ATP1B2: variants seen among roughly 807,000 people sequenced by gnomAD.
The protein encoded by ATP1B2 is ATPase Na+/K+ transporting subunit beta 2.
ATP1B2 carries 12 observed loss-of-function variants against 37.3 expected under a neutral mutation model. The ratio of observed to expected loss-of-function variants is 0.32; its 90% CI spans 0.21 to 0.52. The LOEUF (loss-of-function observed/expected upper bound fraction) is 0.52. Among genes scored for constraint, ATP1B2 ranks in the 20% least tolerant of loss-of-function variants. The pLI is 0.96. For missense variants in ATP1B2, 324 were observed against 391.6 expected, an observed-to-expected ratio of 0.83 and a Z score of 1.46; for synonymous variants, 139 against 140.5, an observed-to-expected ratio of 0.99 and a Z score of 0.07.
chr17:7,653,706 A>G, intron 2 of ATP1B2, 135 bp from the exon 3 acceptor site: 3 of 1,233,914 alleles, frequency 2.4e-6, no homozygotes, highest in Admixed American at 4.1e-5. Flanking sequence ...GCCACAGGAG[A>G]TCACCCTCCC....
chr17:7,654,774 T>C lies in ATP1B2; in HGVS notation c.609+90T>C. ...TCTGTGTAATTCACCTGTCTCTCCC[T>C]ATCTTCTTTGCTCCTAGAGGCCCCA... is the stretch of plus-strand genomic sequence containing the variant. On this transcript the variant is annotated intron_variant, in intron 5 of 6. Transcript: ENST00000250111. The surrounding 1 kb of genome is among the most constrained non-coding windows in gnomAD (Gnocchi z 4.9). 2.0e-6 allele frequency: 3 copies of C among 1,467,030 alleles called. No individual in the cohort carries two copies. Among genetic ancestry groups the C allele is most frequent in the Non-Finnish European group, 2.9e-6 (3 of 1,048,306 alleles). The allele number at this position is 1,467,030 out of a possible 1,614,324, so 90.9% of individuals were successfully genotyped here. A position where few individuals can be genotyped will look rare whatever the true frequency, so the allele number is the denominator to read the frequency against.
In ATP1B2 at chr17:7,656,194, C is replaced by G. The variant is rs1207117134; in HGVS notation, c.*299C>G. 1 of 423,694 alleles carries G rather than the reference C, an allele frequency of 2.4e-6. No homozygotes were observed. Among genetic ancestry groups the G allele is most frequent in the African/African-American group, 2.0e-5 (1 of 50,050 alleles). 26.2% of individuals were successfully genotyped at this position (423,694 alleles called of 1,614,324 possible). A position where few individuals can be genotyped will look rare whatever the true frequency, so the allele number is the denominator to read the frequency against. On this transcript the variant is annotated 3_prime_UTR_variant, in exon 7 of 7. Coordinates refer to ENST00000250111, the MANE Select transcript of ATP1B2 (RefSeq NM_001678.5). ...CTGGTTTAGCTGTGAGAGCTATCCA[C>G]TCTCCTGCCTGCATATCCCCTGAGA... is the stretch of plus-strand genomic sequence containing the variant.
At chr17:7,650,572 C>T (rs944421359), upstream of ATP1B2, among the ~76,000 whole-genome samples, 6 of 152,166 alleles carry the variant, frequency 3.9e-5, no homozygotes, top group Admixed American at 3.3e-4. Context: ...TCCGCCGCAT[C>T]TGTATCTTAG....
At chr17:7,652,667 T>G (rs933756417) in intron 1 of ATP1B2, among the ~76,000 whole-genome samples, 1 of 151,858 alleles carries the variant, frequency 6.6e-6, no homozygotes, top group Non-Finnish European at 1.5e-5. Flanking sequence ...GAGTCCAGGG[T>G]GGTGGGAACA....
In ATP1B2 at chr17:7,651,140, CT is replaced by C. The variant is rs1422762539; in HGVS notation, c.-372del. 1.3e-5 allele frequency: 3 copies of C among 230,498 alleles called. No individual in the cohort carries two copies. The highest frequency in any genetic ancestry group is 1.6e-4 in the East Asian group (1 of 6,200). 14.3% of individuals were successfully genotyped at this position (230,498 alleles called of 1,614,324 possible). On this transcript the variant is annotated 5_prime_UTR_variant, in exon 1 of 7. Transcript: ENST00000250111. Reference sequence around the variant, plus strand: ...CCTCTCTCTGCCTTTTTGTACCCCGCTTTTTTTCTGCGTTCTGCTCGGTTTT... The same window carrying C: ...CCTCTCTCTGCCTTTTTGTACCCCGCTTTTTTCTGCGTTCTGCTCGGTTTT...
Position 7,655,357 on chromosome 17 carries a change from C to G in ATP1B2, c.610-170C>G. On this transcript the variant is annotated intron_variant, in intron 5 of 6. Transcript: ENST00000250111. This position sits in a 1 kb window ranked among gnomAD's most constrained non-coding sequence, Gnocchi z 4.4. ...CAGGGACAGACCATCCCCTCATCTA[C>G]ACACGCACATGCAGACACACACACA... The G allele has an allele frequency of 3.1e-6, 2 of 638,392 alleles. No homozygotes were observed. The highest frequency in any genetic ancestry group is 5.5e-6 in the Non-Finnish European group (2 of 364,532). The allele number at this position is 638,392 out of a possible 1,614,324, so 39.5% of individuals were successfully genotyped here. A position where few individuals can be genotyped will look rare whatever the true frequency, so the allele number is the denominator to read the frequency against.
At position 7,655,407 on chromosome 17, in the gene ATP1B2, G is replaced by A; in HGVS notation, c.610-120G>A. On this transcript the variant is annotated intron_variant, in intron 5 of 6. Coordinates refer to ENST00000250111, the MANE Select transcript of ATP1B2 (RefSeq NM_001678.5). This position sits in a 1 kb window ranked among gnomAD's most constrained non-coding sequence, Gnocchi z 4.4. Reference sequence around the variant, plus strand: ...ACAGACTCACAGCTCCAGGGAGGCAGACTTGAGACAGGAATAATTGGGGCG... The same window carrying A: ...ACAGACTCACAGCTCCAGGGAGGCAAACTTGAGACAGGAATAATTGGGGCG... 1 of 937,944 alleles carries A rather than the reference G, an allele frequency of 1.1e-6. No homozygotes were observed. Among genetic ancestry groups the A allele is most frequent in the Non-Finnish European group, 1.6e-6 (1 of 607,492 alleles). The allele number at this position is 937,944 out of a possible 1,614,324, so 58.1% of individuals were successfully genotyped here. A position where few individuals can be genotyped will look rare whatever the true frequency, so the allele number is the denominator to read the frequency against.
Position 7,655,746 on chromosome 17 carries a change from C to G in ATP1B2, c.724C>G (p.Pro242Ala). ...GKKFHVNYTQ[P>A]LVAVKFLNVT... ...TCCGGCCCAGGTGAACTACACACAG[C>G]CCCTGGTGGCTGTGAAGTTCCTGAA... Residue 242 changes from proline to alanine, a missense_variant, in exon 7 of 7, where the codon CCC (proline) becomes GCC (alanine). Coordinates refer to ENST00000250111, the MANE Select transcript of ATP1B2 (RefSeq NM_001678.5). This position sits in a 1 kb window ranked among gnomAD's most constrained non-coding sequence, Gnocchi z 4.4. 6.2e-7 allele frequency: 1 copy of G among 1,614,130 alleles called. No individual in the cohort carries two copies. The highest frequency in any genetic ancestry group is 8.5e-7 in the Non-Finnish European group (1 of 1,180,042).
At position 7,651,249 on chromosome 17, in the gene ATP1B2, T is replaced by A; in HGVS notation, c.-270T>A. ...GTGAAGCTGCATTCATACCCCTTCC[T>A]CTTGTTATTCTCCCCTGCTCTGACA... On this transcript the variant is annotated 5_prime_UTR_variant, in exon 1 of 7. Transcript: ENST00000250111. 1 of 459,590 alleles carries A rather than the reference T, an allele frequency of 2.2e-6. No individual in the cohort carries two copies. The highest frequency in any genetic ancestry group is 4.0e-6 in the Non-Finnish European group (1 of 250,510). 28.5% of individuals were successfully genotyped at this position (459,590 alleles called of 1,614,324 possible).
intron 1 of ATP1B2, among the ~76,000 whole-genome samples, chr17:7,652,441 G>T (rs897120314): frequency 6.6e-6 from 1 of 152,048 alleles, no homozygotes; most frequent in African/African-American, 2.4e-5. Flanking sequence ...TGAGACACAG[G>T]GGACAGAGGA....
At chr17:7,649,569 T>A (rs186709985), upstream of ATP1B2, among the ~76,000 whole-genome samples, 2,870 of 150,490 alleles carry the variant, frequency 0.019, 104 homozygotes, top group African/African-American at 0.065. Flanking sequence ...TTTTTTTTTT[T>A]TTATTGAGAC....
chr17:7,652,094 G>T (rs934693812), intron 1 of ATP1B2, among the ~76,000 whole-genome samples: 5 of 152,116 alleles, frequency 3.3e-5, no homozygotes, highest in African/African-American at 1.2e-4. Context: ...GGTTCTTCAC[G>T]GCGGAAGTTG....
In ATP1B2 at chr17:7,651,081, T is replaced by A. The variant is rs2072608117; in HGVS notation, c.-438T>A. On this transcript the variant is annotated 5_prime_UTR_variant, in exon 1 of 7. Transcript: ENST00000250111. ...CTTGAGCTTCGTTCCACAGCTTCTT[T>A]GCATCTTGGATTTCGGGGCGGCCCC... The A allele has an allele frequency of 4.9e-6, 1 of 202,960 alleles. No homozygotes were observed. The highest frequency in any genetic ancestry group is 5.8e-5 in the Admixed American group (1 of 17,336). The allele number at this position is 202,960 out of a possible 1,614,324, so 12.6% of individuals were successfully genotyped here.
At chr17:7,650,641 C>T (rs1443139424), upstream of ATP1B2, among the ~76,000 whole-genome samples, 1 of 152,180 alleles carries the variant, frequency 6.6e-6, no homozygotes, top group East Asian at 1.9e-4. Context: ...GCTTCTCTCT[C>T]TGCCGTTGTG....
chr17:7,651,901 G>GCA (rs55946411), intron 1 of ATP1B2, among the ~76,000 whole-genome samples: 2 of 151,692 alleles, frequency 1.3e-5, no homozygotes, highest in South Asian at 2.1e-4. Flanking sequence ...TGTCCGCGCC[G>GCA]GCGCTCACAC....
upstream of ATP1B2, among the ~76,000 whole-genome samples, chr17:7,650,916 C>T (rs986577844): frequency 6.6e-6 from 1 of 152,172 alleles, no homozygotes; most frequent in African/African-American, 2.4e-5. Context: ...GCTCGGCGAC[C>T]GCGGGCCTCG....
At position 7,651,332 on chromosome 17, in the gene ATP1B2, C is replaced by A. The variant is rs1252344659; in HGVS notation, c.-187C>A. On this transcript the variant is annotated 5_prime_UTR_variant, in exon 1 of 7. Coordinates refer to ENST00000250111, the MANE Select transcript of ATP1B2 (RefSeq NM_001678.5). ...GATCGGTGCATCTTCCGCCGCGCTG[C>A]CAGCACCCCGCAGCGCGTGGTCGTG... 6 of 595,436 alleles carry A rather than the reference C, an allele frequency of 1.0e-5. No homozygotes were observed. Among genetic ancestry groups the A allele is most frequent in the Non-Finnish European group, 1.8e-5 (6 of 335,250 alleles). The allele number at this position is 595,436 out of a possible 1,614,324, so 36.9% of individuals were successfully genotyped here.
intron 2 of ATP1B2, 54 bp downstream of exon 2, chr17:7,653,556 A>G: frequency 6.2e-7 from 1 of 1,602,134 alleles, no homozygotes; most frequent in Non-Finnish European, 8.5e-7. Flanking sequence ...GTGCCCCCAA[A>G]CCTCCAGAAG....
At chr17:7,648,278 TG>T (rs1165860005), upstream of ATP1B2, among the ~76,000 whole-genome samples, 1 of 151,320 alleles carries the variant, frequency 6.6e-6, no homozygotes, top group Non-Finnish European at 1.5e-5. Context: ...GAACTATGGA[TG>T]AAAGGAAAAT....
Sources: allele counts gnomAD v4.1 joint callset (sites outside exome capture counted in the v4.1 genomes callset), GRCh38; gene constraint gnomAD v4.1.1; non-coding constraint Gnocchi (gnomAD v3.1); transcripts MANE v1.5; gene names NCBI Gene and HGNC (gene_info 2026-07-23, HGNC 2026-07-21).